GRIK2: variants seen among roughly 807,000 people sequenced by gnomAD.
GRIK2 encodes glutamate ionotropic receptor kainate type subunit 2, also known as glutamate receptor ionotropic, kainate 2.
GRIK2 carries 32 observed loss-of-function variants against 100.3 expected under a neutral mutation model. The observed-to-expected ratio is 0.32, with a 90% confidence interval of 0.24 to 0.43. The LOEUF (loss-of-function observed/expected upper bound fraction) is 0.43. GRIK2 is among the 20% of genes least tolerant of loss of function. The pLI, the probability that GRIK2 is intolerant of heterozygous loss-of-function variation, is 1.00. For missense variants in GRIK2, 843 were observed against 1,114.9 expected, an observed-to-expected ratio of 0.76 and a Z score of 3.47; for synonymous variants, 417 against 389.4, an observed-to-expected ratio of 1.07 and a Z score of -0.83.
intron 2 of GRIK2, among the ~76,000 whole-genome samples, chr6:101,579,354 A>G (rs1376615591): frequency 1.3e-5 from 2 of 152,008 alleles, no homozygotes; most frequent in Non-Finnish European, 2.9e-5. Flanking sequence ...AGTCAGGAAG[A>G]TTGCTTCCAA....
chr6:102,054,012 T>A (rs988226505), intron 15 of GRIK2, among the ~76,000 whole-genome samples: 3 of 152,162 alleles, frequency 2.0e-5, no homozygotes, highest in Non-Finnish European at 4.4e-5. Flanking sequence ...TCCCCTAATA[T>A]ACTTAAGAAT....
chr6:101,416,695 A>G (rs1218714519), intron 2 of GRIK2, among the ~76,000 whole-genome samples: 1 of 152,166 alleles, frequency 6.6e-6, no homozygotes, highest in Admixed American at 6.5e-5. Flanking sequence ...ATTCTTTATA[A>G]TAGTGGATTT....
chr6:102,054,337 G>T lies in GRIK2; in HGVS notation c.2312-993G>T, dbSNP rs1256163845. 2.6e-5 allele frequency among the ~76,000 whole-genome samples: 4 copies of T among 152,098 alleles called. No homozygotes were observed. In the East Asian group the frequency reaches 7.7e-4, roughly 29 times the overall value. ...GGCAATGTTGAATACAAGCTGAAAT[G>T]TTTAATATTTTTCTGGAAGCAGGAA... On this transcript the variant is annotated intron_variant, in intron 15 of 16. Coordinates refer to ENST00000369134, the MANE Select transcript of GRIK2 (RefSeq NM_021956.5).
rs187772799 is a variant in GRIK2, at chr6:102,011,641, T to C, written c.2086-23700T>C. Among the ~76,000 whole-genome samples the C allele has an allele frequency of 1.2e-3, 164 of 139,116 alleles. 2 individuals carry two copies. Among genetic ancestry groups the C allele is most frequent in the African/African-American group, 4.2e-3 (154 of 36,442 alleles). The allele number at this position is 139,116 out of a possible 152,430, so 91.3% of individuals were successfully genotyped here. A position where few individuals can be genotyped will look rare whatever the true frequency, so the allele number is the denominator to read the frequency against. Reference sequence around the variant, plus strand: ...CTCTGTCACCCAGGTTGGAGTGCAGTGGCGCGATCTCGGCTCACTGTATGC... The same window carrying C: ...CTCTGTCACCCAGGTTGGAGTGCAGCGGCGCGATCTCGGCTCACTGTATGC... On this transcript the variant is annotated intron_variant, in intron 14 of 16. Coordinates refer to ENST00000369134, the MANE Select transcript of GRIK2 (RefSeq NM_021956.5).
intron 16 of GRIK2, chr6:102,065,784 A>C: frequency 6.7e-7 from 1 of 1,498,432 alleles, no homozygotes; most frequent in East Asian, 2.6e-5. Flanking sequence ...TCTTCTGTTA[A>C]ATGTTTCAAC....
chr6:101,650,221 A>G (rs537483534), intron 4 of GRIK2, among the ~76,000 whole-genome samples: 13 of 152,156 alleles, frequency 8.5e-5, no homozygotes, highest in Non-Finnish European at 1.6e-4. Flanking sequence ...AAGAAAGGAA[A>G]CATTGGAAAC....
rs547133800 is a variant in GRIK2, at chr6:101,904,860, G to A, written c.1748+14997G>A. Among the ~76,000 whole-genome samples the A allele has an allele frequency of 8.2e-4, 124 of 151,554 alleles. 1 individual carries two copies. The highest frequency in any genetic ancestry group is 3.5e-3 in the Middle Eastern group (1 of 288). ...TCTTTATAAATGATCAGTACTCAAGGTGGATTAATTATGTAGATTTTAATT... is the reference window on the plus strand; with the variant it reads ...TCTTTATAAATGATCAGTACTCAAGATGGATTAATTATGTAGATTTTAATT... On this transcript the variant is annotated intron_variant, in intron 12 of 16. Coordinates refer to ENST00000369134, the MANE Select transcript of GRIK2 (RefSeq NM_021956.5).
chr6:101,836,361 C>T (rs979483862), intron 10 of GRIK2, among the ~76,000 whole-genome samples: 1 of 151,996 alleles, frequency 6.6e-6, no homozygotes, highest in Non-Finnish European at 1.5e-5. Flanking sequence ...AAACACTTGA[C>T]ACCTGGCTTG....
At chr6:101,834,139 T>C (rs932982210) in intron 10 of GRIK2, among the ~76,000 whole-genome samples, 3 of 152,096 alleles carry the variant, frequency 2.0e-5, no homozygotes, top group Non-Finnish European at 4.4e-5. Context: ...TTTATTAACA[T>C]AGATTTTCAC....
intron 7 of GRIK2, among the ~76,000 whole-genome samples, chr6:101,729,086 C>T (rs1775075360): frequency 1.3e-5 from 2 of 152,030 alleles, no homozygotes; most frequent in Non-Finnish European, 2.9e-5. Flanking sequence ...TATCCTTTCT[C>T]TTCATTGTCC....
chr6:101,687,750 T>C (rs1771799217), intron 7 of GRIK2, among the ~76,000 whole-genome samples: 1 of 151,796 alleles, frequency 6.6e-6, no homozygotes, highest in Non-Finnish European at 1.5e-5. Flanking sequence ...AAAGAAACAC[T>C]ATAGGGAAAT....
chr6:101,858,393 T>C (rs1449232480), intron 10 of GRIK2, among the ~76,000 whole-genome samples: 10 of 145,022 alleles, frequency 6.9e-5, no homozygotes, highest in Admixed American at 2.1e-4. Flanking sequence ...TTTCTTTTTT[T>C]TTTTTTTTTT....
chr6:102,065,762 C>G (rs1326932999), intron 16 of GRIK2: 1 of 1,398,736 alleles, frequency 7.1e-7, no homozygotes, highest in Admixed American at 2.1e-5. Flanking sequence ...CATGTTATGT[C>G]ATCTAATTAA....
intron 14 of GRIK2, among the ~76,000 whole-genome samples, chr6:101,965,338 T>C (rs1335039): frequency 0.52 from 78,316 of 151,936 alleles, 20,787 homozygotes; most frequent in African/African-American, 0.65. Context: ...TTTTTCAATG[T>C]CTGCTCATAA....
intron 7 of GRIK2, among the ~76,000 whole-genome samples, chr6:101,780,901 T>TA (rs1779043140): frequency 6.6e-6 from 1 of 152,188 alleles, no homozygotes; most frequent in Non-Finnish European, 1.5e-5. Flanking sequence ...AAGAGGGCTT[T>TA]AAAAAGTGTT....
intron 2 of GRIK2, among the ~76,000 whole-genome samples, chr6:101,559,337 C>T (rs939144025): frequency 1.1e-4 from 17 of 152,042 alleles, no homozygotes; most frequent in African/African-American, 2.9e-4. Flanking sequence ...AACTTTGACA[C>T]GGTCCAGGAC....
chr6:101,510,531 T>G (rs982145735), intron 2 of GRIK2, among the ~76,000 whole-genome samples: 5 of 143,232 alleles, frequency 3.5e-5, no homozygotes, highest in East Asian at 2.1e-4. Flanking sequence ...TTTTTTTTTT[T>G]TTTTTTTTTG....
intron 3 of GRIK2, among the ~76,000 whole-genome samples, chr6:101,625,311 C>T (rs1187971856): frequency 1.3e-5 from 2 of 151,448 alleles, no homozygotes; most frequent in Non-Finnish European, 2.9e-5. Flanking sequence ...AGGCAAAGGT[C>T]GCAGTGAGCT....
intron 4 of GRIK2, among the ~76,000 whole-genome samples, chr6:101,676,178 AAC>A (rs1182672620): frequency 1.3e-5 from 2 of 152,200 alleles, no homozygotes; most frequent in Admixed American, 6.5e-5. Flanking sequence ...GTTATGGAAA[AAC>A]AGTATTTCAA....
Sources: allele counts gnomAD v4.1 joint callset (sites outside exome capture counted in the v4.1 genomes callset), GRCh38; gene constraint gnomAD v4.1.1; transcripts MANE v1.5; gene names NCBI Gene and HGNC (gene_info 2026-07-23, HGNC 2026-07-21).